Variants in POLR3F observed in about 807,000 individuals in gnomAD.
The protein encoded by POLR3F is RNA polymerase III subunit F, also known as DNA-directed RNA polymerase III subunit RPC6.
Under a neutral mutation model 43.6 loss-of-function variants are expected in POLR3F, and 31 were observed. The observed-to-expected ratio is 0.71, with a 90% CI of 0.53 to 0.96. POLR3F has a LOEUF of 0.96. Among genes scored for constraint, POLR3F ranks in the 40% least tolerant of loss-of-function variants. The pLI is 0.00. For missense variants in POLR3F, 316 were observed against 391.7 expected (o/e 0.81, Z 1.63); for synonymous variants, 114 against 132.5 (o/e 0.86, Z 0.96).
At position 18,480,057 on chromosome 20, in the gene POLR3F, A is replaced by T. The variant is rs1276273216; in HGVS notation, c.449A>T (p.Tyr150Phe). The change falls in exon 6 of 9, where the codon TAT becomes TTT. Residue 150 changes from tyrosine to phenylalanine, a missense_variant. By Grantham distance (22) the Tyr-to-Phe change is conservative (BLOSUM62 3). Coordinates refer to ENST00000377603, the MANE Select transcript of POLR3F (RefSeq NM_006466.4). ...KSVAASKKKV[Y>F]MLYNLQPDRS... ...TCCTAGGCCTCAAAAAAGAAGGTGT[A>T]TATGCTCTATAACCTGCAGCCAGAC... The T allele has an allele frequency of 6.2e-7, 1 of 1,610,892 alleles. No individual in the cohort carries two copies. Among genetic ancestry groups the T allele is most frequent in the Non-Finnish European group, 8.5e-7 (1 of 1,178,534 alleles).
intron 1 of POLR3F, among the ~76,000 whole-genome samples, chr20:18,468,223 CG>C (rs2059713903): frequency 6.6e-6 from 1 of 152,116 alleles, no homozygotes; most frequent in African/African-American, 2.4e-5. Context: ...ACTACAGGCT[CG>C]CGCCACCACG....
intron 5 of POLR3F, among the ~76,000 whole-genome samples, chr20:18,475,674 C>G (rs1475483506): frequency 6.6e-6 from 1 of 152,136 alleles, no homozygotes; most frequent in Non-Finnish European, 1.5e-5. Context: ...GACATCTGCC[C>G]CTGACCTCAC....
Position 18,467,406 on chromosome 20 carries a change from C to T in POLR3F, c.-101C>T. 1 of 1,307,968 alleles carries T rather than the reference C, an allele frequency of 7.6e-7. No homozygotes were observed. The allele number at this position is 1,307,968 out of a possible 1,614,324, so 81.0% of individuals were successfully genotyped here. The stretch of plus-strand genomic sequence containing the variant: ...CGACACGAGGAAGAAGGCCCCTCGG[C>T]CTCAGCAGAGCGCTATCCTCCACTG... On this transcript the variant is annotated 5_prime_UTR_variant, in exon 1 of 9. Transcript: ENST00000377603.
intron 2 of POLR3F, among the ~76,000 whole-genome samples, chr20:18,470,449 A>T (rs1411789916): frequency 1.3e-5 from 2 of 152,232 alleles, no homozygotes; most frequent in Non-Finnish European, 2.9e-5. Context: ...GCCATGGATG[A>T]TGATACATAA....
intron 4 of POLR3F, 52 bp downstream of exon 4, chr20:18,473,510 A>G (rs2059764768): frequency 1.2e-6 from 1 of 861,158 alleles, no homozygotes; most frequent in South Asian, 1.4e-5. Flanking sequence ...GGAACTAGAT[A>G]TAGGGACCCA....
intron 4 of POLR3F, among the ~76,000 whole-genome samples, chr20:18,474,102 G>A (rs2059767936): frequency 6.6e-6 from 1 of 151,574 alleles, no homozygotes; most frequent in Non-Finnish European, 1.5e-5. Context: ...CTATGAGAAA[G>A]CCATTCTGCA....
Position 18,469,014 on chromosome 20 carries a change from A to G in POLR3F, c.133A>G (p.Ile45Val), listed in dbSNP as rs781750604. The change falls in exon 2 of 9, where the codon ATA (isoleucine) becomes GTA (valine). Residue 45 changes from isoleucine to valine, a missense_variant. By Grantham distance (29) the Ile-to-Val change is conservative (BLOSUM62 3). Transcript: ENST00000377603. Reference sequence around the variant, plus strand: ...AGTAATTCAGAATGAAATGCCTCATATAGAAGCCCAGCAGCGGGCAGTAGC... The same window carrying G: ...AGTAATTCAGAATGAAATGCCTCATGTAGAAGCCCAGCAGCGGGCAGTAGC... Reference protein sequence around the residue: ...DQVIQNEMPHIEAQQRAVAIN... With the variant: ...DQVIQNEMPHVEAQQRAVAIN... 22 of 1,597,966 alleles carry G rather than the reference A, an allele frequency of 1.4e-5. No individual in the cohort carries two copies. Among genetic ancestry groups the G allele is most frequent in the Non-Finnish European group, 2.6e-6 (3 of 1,165,376 alleles).
chr20:18,472,015 T>A (rs1366435337), intron 2 of POLR3F, among the ~76,000 whole-genome samples: 2 of 152,110 alleles, frequency 1.3e-5, no homozygotes, highest in Non-Finnish European at 2.9e-5. Context: ...GGGAATAGCG[T>A]CCCTCTCAAC....
Position 18,472,858 on chromosome 20 carries a change from T to C in POLR3F, c.197T>C (p.Leu66Ser). The C allele has an allele frequency of 6.7e-7, 1 of 1,485,518 alleles. No homozygotes were observed. The highest frequency in any genetic ancestry group is 9.3e-7 in the Non-Finnish European group (1 of 1,080,102). The allele number at this position is 1,485,518 out of a possible 1,614,324, so 92.0% of individuals were successfully genotyped here. The part of the protein sequence containing the change: ...RLLSMGQLDL[L>S]RSNTGLLYRI... Reference sequence around the variant, plus strand: ...AAAAACTAGGGTCAGTTGGATCTCTTAAGGAGCAATACGGGCCTTTTATAT... The same window carrying C: ...AAAAACTAGGGTCAGTTGGATCTCTCAAGGAGCAATACGGGCCTTTTATAT... Residue 66 changes from leucine (L) to serine (S), a missense_variant, in exon 3 of 9, where the codon TTA becomes TCA. Coordinates refer to ENST00000377603, the MANE Select transcript of POLR3F (RefSeq NM_006466.4).
chr20:18,483,169 AT>A (rs2059819535), intron 8 of POLR3F, among the ~76,000 whole-genome samples: 1 of 151,758 alleles, frequency 6.6e-6, no homozygotes, highest in Non-Finnish European at 1.5e-5. Flanking sequence ...GGTTCAAGCA[AT>A]TCTCCTGCCT....
chr20:18,467,652 G>C, intron 1 of POLR3F, 84 bp downstream of exon 1: 1 of 1,598,842 alleles, frequency 6.3e-7, no homozygotes, highest in South Asian at 1.1e-5. Flanking sequence ...GATCCCTTGG[G>C]AGTGGCCGGA....
intron 1 of POLR3F, 105 bp from the exon 2 acceptor site, chr20:18,468,839 A>G: frequency 1.5e-6 from 1 of 674,086 alleles, no homozygotes; most frequent in Non-Finnish European, 2.7e-6. Flanking sequence ...TTGTCTGCCA[A>G]ATGTGAAAAA....
intron 1 of POLR3F, among the ~76,000 whole-genome samples, chr20:18,468,004 C>T (rs984037618): frequency 6.6e-6 from 1 of 152,160 alleles, no homozygotes; most frequent in Non-Finnish European, 1.5e-5. Flanking sequence ...TACGAAGTAA[C>T]ATTAAGCCAG....
At chr20:18,470,667 A>G (rs1364620920) in intron 2 of POLR3F, 4 of 154,632 alleles carry the variant, frequency 2.6e-5, no homozygotes, top group African/African-American at 9.6e-5. Context: ...TCTTCCTCTG[A>G]TCGCCCTCTC....
Position 18,480,080 on chromosome 20 carries a change from G to C in POLR3F, c.472G>C (p.Asp158His), listed in dbSNP as rs2059802203. 6.2e-7 allele frequency: 1 copy of C among 1,611,558 alleles called. No homozygotes were observed. The highest frequency in any genetic ancestry group is 1.3e-5 in the African/African-American group (1 of 74,862). ...KVYMLYNLQP[D>H]RSVTGGAWYS... Reference sequence around the variant, plus strand: ...GTATATGCTCTATAACCTGCAGCCAGACCGGTCTGTGACTGGTGGAGCCTG... The same window carrying C: ...GTATATGCTCTATAACCTGCAGCCACACCGGTCTGTGACTGGTGGAGCCTG... The change falls in exon 6 of 9, where the codon GAC becomes CAC. Residue 158 changes from aspartate (D) to histidine (H), a missense_variant. Asp to His is a moderately conservative substitution (Grantham distance 81). Around this residue, in one of 3 missense-constraint regions of POLR3F, gnomAD observed 109 missense variants for 177.7 expected, o/e 0.61. Transcript: ENST00000377603.
chr20:18,468,831 G>A (rs2059727016), intron 1 of POLR3F, 113 bp from the exon 2 acceptor site: 1 of 655,858 alleles, frequency 1.5e-6, no homozygotes, highest in African/African-American at 1.8e-5. Context: ...AACCCAGATT[G>A]TCTGCCAAAT....
At chr20:18,469,751 A>G (rs771761432) in intron 2 of POLR3F, among the ~76,000 whole-genome samples, 34 of 152,244 alleles carry the variant, frequency 2.2e-4, no homozygotes, top group Non-Finnish European at 3.8e-4. Context: ...GTATTATGGT[A>G]TAACTGTTGT....
intron 7 of POLR3F, 55 bp from the exon 8 acceptor site, chr20:18,481,564 C>A: frequency 8.3e-7 from 1 of 1,205,000 alleles, no homozygotes; most frequent in Non-Finnish European, 1.2e-6. Context: ...TAACACCCTC[C>A]AAGTGGATGT....
chr20:18,483,468 TTC>T lies in POLR3F; in HGVS notation c.874-11_874-10del, dbSNP rs1177935873. The T allele has an allele frequency of 1.5e-6, 2 of 1,324,632 alleles. No homozygotes were observed. The highest frequency in any genetic ancestry group is 4.2e-5 in the Admixed American group (2 of 48,134). 82.1% of individuals were successfully genotyped at this position (1,324,632 alleles called of 1,614,324 possible). A position where few individuals can be genotyped will look rare whatever the true frequency, so the allele number is the denominator to read the frequency against. ...ACTTTAATTTGAATATAATTTTTTT[TTC>T]TTTTTTAAAGGTTTTTGATGACTGC... On this transcript the variant is annotated splice_polypyrimidine_tract_variant and intron_variant, in intron 8 of 8. Coordinates refer to ENST00000377603, the MANE Select transcript of POLR3F (RefSeq NM_006466.4).
Sources: gnomAD v4.1 joint callset for allele counts (sites outside exome capture counted in the v4.1 genomes callset) on GRCh38, gnomAD v4.1.1 for gene constraint, gnomAD v4.1.1 regional missense constraint, MANE v1.5 for transcripts, NCBI Gene and HGNC (gene_info 2026-07-23, HGNC 2026-07-21) for gene names.